LRRC37A2: variants seen among roughly 807,000 people sequenced by gnomAD.
The protein encoded by LRRC37A2 is leucine rich repeat containing 37 member A2, also known as leucine-rich repeat-containing protein 37A2.
A neutral mutation model predicts 68.8 loss-of-function variants in LRRC37A2; 9 were observed. The ratio of observed to expected loss-of-function variants is 0.13; its 90% CI spans 0.08 to 0.23. LRRC37A2 has a LOEUF of 0.23. Among genes scored for constraint, LRRC37A2 ranks in the 10% least tolerant of loss-of-function variants. The pLI is 1.00. For missense variants in LRRC37A2, 168 were observed against 950.4 expected, an observed-to-expected ratio of 0.18 and a Z score of 10.82; for synonymous variants, 63 against 367.6, an observed-to-expected ratio of 0.17 and a Z score of 9.48.
At chr17:46,530,567 G>T in intron 6 of LRRC37A2, among the ~76,000 whole-genome samples, 1 of 35,120 alleles carries the variant, frequency 2.8e-5, no homozygotes, top group African/African-American at 7.0e-5. Context: ...TTTTCCATCT[G>T]CCAGCATGTT....
At chr17:47,005,968 T>C in the LRRC37A2 span, among the ~76,000 whole-genome samples, 3 of 152,232 alleles carry the variant, frequency 2.0e-5, no homozygotes, top group Non-Finnish European at 4.4e-5. Flanking sequence ...TTAATTTATT[T>C]TGTGAGACAA....
the LRRC37A2 span, among the ~76,000 whole-genome samples, chr17:47,013,074 G>A: frequency 6.6e-6 from 1 of 152,206 alleles, no homozygotes; most frequent in African/African-American, 2.4e-5. Flanking sequence ...AATGAACCTT[G>A]AAAACATTAA....
At chr17:46,877,160 C>T in the LRRC37A2 span, 21 of 905,482 alleles carry the variant, frequency 2.3e-5, no homozygotes, top group Non-Finnish European at 2.6e-5. Flanking sequence ...GAAGTGAAGG[C>T]GGGAGCCTGG....
chr17:46,913,750 A>AT, the LRRC37A2 span, among the ~76,000 whole-genome samples: 7 of 152,008 alleles, frequency 4.6e-5, no homozygotes, highest in Non-Finnish European at 7.4e-5. Flanking sequence ...ACTGTGTTTC[A>AT]TTTTTTACTT....
chr17:46,501,777 G>C, the LRRC37A2 span, among the ~76,000 whole-genome samples: 2 of 151,184 alleles, frequency 1.3e-5, no homozygotes, highest in African/African-American at 4.9e-5. Flanking sequence ...TTGGCTACTT[G>C]ATCTGACTGC....
At chr17:46,772,438 C>T in the LRRC37A2 span, among the ~76,000 whole-genome samples, 1 of 152,188 alleles carries the variant, frequency 6.6e-6, no homozygotes, top group Non-Finnish European at 1.5e-5. Flanking sequence ...TTGGGGAGCG[C>T]GTCTAGACGC....
chr17:46,778,849 C>T, the LRRC37A2 span, among the ~76,000 whole-genome samples: 2 of 152,128 alleles, frequency 1.3e-5, no homozygotes, highest in Admixed American at 1.3e-4. Flanking sequence ...ATTCCTAGGT[C>T]ACCACCATTC....
chr17:46,892,053 G>A, the LRRC37A2 span, among the ~76,000 whole-genome samples: 1 of 151,154 alleles, frequency 6.6e-6, no homozygotes, highest in Non-Finnish European at 1.5e-5. Flanking sequence ...GGAGTAGCTG[G>A]GATTACAGGT....
In LRRC37A2 at chr17:46,525,622, TC is replaced by T. The variant is rs1285698835; in HGVS notation, c.2906+1739del. On this transcript the variant is annotated intron_variant, in intron 6 of 14. Transcript: ENST00000576629. Reference sequence around the variant, plus strand: ...AATAATATAATAATAATAATCATCATCATCATCATCATCATCATCATCATCT... The same window carrying T: ...AATAATATAATAATAATAATCATCATATCATCATCATCATCATCATCATCT... Among the ~76,000 whole-genome samples the T allele has an allele frequency of 3.4e-5, 4 of 119,084 alleles. 1 individual carries two copies. The highest frequency in any genetic ancestry group is 3.6e-4 in the South Asian group (1 of 2,764). 78.1% of individuals were successfully genotyped at this position (119,084 alleles called of 152,430 possible).
chr17:46,867,520 T>A, the LRRC37A2 span, among the ~76,000 whole-genome samples: 1 of 152,196 alleles, frequency 6.6e-6, no homozygotes, highest in East Asian at 1.9e-4. Context: ...GGGCATGAGA[T>A]CCTTGGGCCC....
In LRRC37A2 at chr17:46,526,417, G is replaced by T. The variant is rs1271089466; in HGVS notation, c.2906+2533G>T. The stretch of plus-strand genomic sequence containing the variant: ...AAAAAAAGAGGCCCCAGCTGTGGTT[G>T]ATCGATGATGAATAGAGCCTAACCT... On this transcript the variant is annotated intron_variant, in intron 6 of 14. Transcript: ENST00000576629. 1.5e-4 allele frequency among the ~76,000 whole-genome samples: 15 copies of T among 102,740 alleles called. 5 individuals are homozygous for T. The highest frequency in any genetic ancestry group is 5.4e-3 in the Middle Eastern group (1 of 186). 67.4% of individuals were successfully genotyped at this position (102,740 alleles called of 152,430 possible).
chr17:46,914,931 C>T, the LRRC37A2 span, among the ~76,000 whole-genome samples: 1 of 152,200 alleles, frequency 6.6e-6, no homozygotes, highest in Non-Finnish European at 1.5e-5. Flanking sequence ...GTCCTTACTA[C>T]TCATTACACA....
At chr17:46,690,611 C>CAA in the LRRC37A2 span, among the ~76,000 whole-genome samples, 472 of 91,766 alleles carry the variant, frequency 5.1e-3, 11 homozygotes, top group African/African-American at 0.014. Flanking sequence ...GACTCCGTCT[C>CAA]AAAAAAAAAA....
At chr17:46,976,982 C>T in the LRRC37A2 span, among the ~76,000 whole-genome samples, 1 of 152,214 alleles carries the variant, frequency 6.6e-6, no homozygotes, top group Non-Finnish European at 1.5e-5. Context: ...CCTCCCCTCA[C>T]TGGCCTGGCC....
chr17:46,961,940 A>G, the LRRC37A2 span, among the ~76,000 whole-genome samples: 95 of 152,224 alleles, frequency 6.2e-4, 1 homozygote, highest in Non-Finnish European at 1.0e-3. Context: ...AAATCATTTT[A>G]TTTAATCAAC....
the LRRC37A2 span, among the ~76,000 whole-genome samples, chr17:46,847,754 G>C: frequency 6.6e-6 from 1 of 152,174 alleles, no homozygotes; most frequent in African/African-American, 2.4e-5. Flanking sequence ...TTAGAGGAGA[G>C]AGCCAGCCTG....
chr17:47,007,858 G>A, the LRRC37A2 span: 1 of 152,280 alleles, frequency 6.6e-6, no homozygotes, highest in Non-Finnish European at 1.5e-5. Context: ...AAACGCCGCA[G>A]CTGCAGGTGC....
the LRRC37A2 span, chr17:46,929,838 C>T: frequency 1.3e-4 from 63 of 488,338 alleles, no homozygotes; most frequent in Admixed American, 2.1e-3. Context: ...GAAGCGCTTG[C>T]CTCCATCTAT....
the LRRC37A2 span, among the ~76,000 whole-genome samples, chr17:46,413,498 A>ACACACACACACACACACACACACG: frequency 6.2e-4 from 12 of 19,280 alleles, 1 homozygote; most frequent in East Asian, 0.019. Flanking sequence ...ACACACACAC[A>ACACACACACACACACACACACACG]CACACACACA....
Sources: gnomAD v4.1 joint callset for allele counts (sites outside exome capture counted in the v4.1 genomes callset) on GRCh38, gnomAD v4.1.1 for gene constraint, MANE v1.5 for transcripts, NCBI Gene and HGNC (gene_info 2026-07-23, HGNC 2026-07-21) for gene names.